Variants in WDR27 observed in about 807,000 individuals in gnomAD.
WDR27 encodes the protein WD repeat domain 27, also known as WD repeat-containing protein 27.
Under a neutral mutation model 114.4 loss-of-function variants are expected in WDR27, and 100 were observed. That is an observed-to-expected ratio of 0.87 (90% CI 0.74 to 1.03). WDR27 has a LOEUF of 1.03. Among genes scored for constraint, WDR27 ranks in the 50% least tolerant of loss-of-function variants. The pLI, the probability that WDR27 is intolerant of heterozygous loss-of-function variation, is 0.00. For synonymous variants in WDR27, 449 were observed against 423.1 expected, an observed-to-expected ratio of 1.06 and a Z score of -0.75; for missense variants, 1,129 against 1,092.9, an observed-to-expected ratio of 1.03 and a Z score of -0.47.
chr6:169,645,027 A>T lies in WDR27; in HGVS notation c.1658-1241T>A, dbSNP rs1305183034. Among the ~76,000 whole-genome samples the T allele has an allele frequency of 7.6e-4, 87 of 115,172 alleles. 5 individuals carry two copies. The highest frequency in any genetic ancestry group is 3.8e-3 in the Middle Eastern group (1 of 264). 75.6% of individuals were successfully genotyped at this position (115,172 alleles called of 152,430 possible). ...CCGTCTCAAAAAAAAAAAAAATAAA[A>T]AAAAAAAATAAAAAAAAAAAAAAAA... On this transcript the variant is annotated intron_variant, in intron 16 of 25. Coordinates refer to ENST00000448612, the MANE Select transcript of WDR27 (RefSeq NM_182552.5).
At chr6:169,450,121 G>T in the WDR27 span, among the ~76,000 whole-genome samples, 1 of 152,088 alleles carries the variant, frequency 6.6e-6, no homozygotes, top group Non-Finnish European at 1.5e-5. Context: ...TTGAGTCTAG[G>T]ACTTTAAGGA....
chr6:169,563,591 A>T (rs1458047973), intron 25 of WDR27, among the ~76,000 whole-genome samples: 7 of 152,208 alleles, frequency 4.6e-5, no homozygotes, highest in Non-Finnish European at 1.0e-4. Flanking sequence ...AACTGTGCTC[A>T]CGAGAGACAA....
At chr6:169,632,666 T>C (rs950027177) in intron 21 of WDR27, among the ~76,000 whole-genome samples, 10 of 152,230 alleles carry the variant, frequency 6.6e-5, no homozygotes, top group African/African-American at 2.4e-4. Context: ...GCTTAACATA[T>C]ACAACCTTAT....
intron 25 of WDR27, among the ~76,000 whole-genome samples, chr6:169,502,889 G>A (rs1208222503): frequency 1.3e-5 from 2 of 152,144 alleles, no homozygotes; most frequent in Non-Finnish European, 2.9e-5. Flanking sequence ...TCGAGTAGAT[G>A]GATTTGCTGA....
At chr6:169,531,727 C>A (rs1795634476) in intron 25 of WDR27, among the ~76,000 whole-genome samples, 1 of 150,406 alleles carries the variant, frequency 6.6e-6, no homozygotes, top group African/African-American at 2.5e-5. Flanking sequence ...GATCTCAGCT[C>A]ACTGCAACCT....
intron 25 of WDR27, among the ~76,000 whole-genome samples, chr6:169,488,051 T>C (rs746131404): frequency 1.8e-4 from 27 of 152,244 alleles, no homozygotes; most frequent in Non-Finnish European, 2.6e-4. Context: ...TATGAAATGA[T>C]GGACAATGGG....
At chr6:169,557,203 C>G (rs139623327) in intron 25 of WDR27, among the ~76,000 whole-genome samples, 1 of 152,110 alleles carries the variant, frequency 6.6e-6, no homozygotes, top group Non-Finnish European at 1.5e-5. Context: ...GAAAATGCCT[C>G]GGTGATATAA....
In WDR27 at chr6:169,501,641, C is replaced by T. The variant is rs530041705; in HGVS notation, c.2646-44007G>A. Among the ~76,000 whole-genome samples, 4 of 152,340 alleles carry T rather than the reference C, an allele frequency of 2.6e-5. No individual in the cohort carries two copies. In the South Asian group the frequency reaches 6.2e-4, roughly 24 times the overall value. ...GCACTTTCCCACGAACTGTAGGACT[C>T]GCCTGCATGTTCTCATTCGGTGAAT... On this transcript the variant is annotated intron_variant, in intron 25 of 25. Transcript: ENST00000448612.
chr6:169,445,267 C>A, the WDR27 span, among the ~76,000 whole-genome samples: 1 of 152,160 alleles, frequency 6.6e-6, no homozygotes, highest in South Asian at 2.1e-4. Context: ...TAGAGCCCTG[C>A]CTACTTTCAC....
chr6:169,559,851 G>A (rs1309349863), intron 25 of WDR27: 2 of 152,226 alleles, frequency 1.3e-5, no homozygotes, highest in East Asian at 1.9e-4. Flanking sequence ...AATGAGGTGC[G>A]AAGCCTTGCG....
chr6:169,621,315 C>G (rs886576681), intron 21 of WDR27, among the ~76,000 whole-genome samples: 2 of 134,598 alleles, frequency 1.5e-5, no homozygotes, highest in East Asian at 4.3e-4. Flanking sequence ...TACCCACACA[C>G]GCATTCACAC....
chr6:169,525,463 G>T (rs1794842891), intron 25 of WDR27, among the ~76,000 whole-genome samples: 1 of 150,100 alleles, frequency 6.7e-6, no homozygotes, highest in South Asian at 2.1e-4. Flanking sequence ...ATGAACCCGG[G>T]AGGTGGAGCT....
intron 19 of WDR27, among the ~76,000 whole-genome samples, chr6:169,635,478 CCTCTGCATGCAA>C (rs1817461032): frequency 6.6e-6 from 1 of 152,212 alleles, no homozygotes; most frequent in Non-Finnish European, 1.5e-5. Flanking sequence ...TGGAGCCCTT[CCTCTGCATGCAA>C]CCCGCCCCAG....
At chr6:169,481,551 C>T (rs1360030055) in intron 25 of WDR27, among the ~76,000 whole-genome samples, 4 of 152,336 alleles carry the variant, frequency 2.6e-5, no homozygotes, top group East Asian at 1.9e-4. Flanking sequence ...AGCTGTAGCA[C>T]TCACCGCAAA....
intron 13 of WDR27, among the ~76,000 whole-genome samples, chr6:169,657,222 C>T (rs1055686895): frequency 7.2e-5 from 11 of 152,180 alleles, no homozygotes; most frequent in African/African-American, 1.7e-4. Flanking sequence ...ATCTGCAAGG[C>T]GGGTCAGAAC....
chr6:169,430,541 A>C, the WDR27 span, among the ~76,000 whole-genome samples: 1 of 152,236 alleles, frequency 6.6e-6, no homozygotes, highest in Non-Finnish European at 1.5e-5. Flanking sequence ...GCCTCATTAT[A>C]TGTCCTGAAT....
chr6:169,514,450 T>C (rs1793354534), intron 25 of WDR27, among the ~76,000 whole-genome samples: 1 of 148,556 alleles, frequency 6.7e-6, no homozygotes, highest in South Asian at 2.1e-4. Context: ...ATTGTTAATA[T>C]ACCAAAAAAA....
chr6:169,651,271 G>C (rs1383863600), intron 14 of WDR27, among the ~76,000 whole-genome samples: 1 of 151,262 alleles, frequency 6.6e-6, no homozygotes, highest in East Asian at 2.0e-4. Flanking sequence ...AGGGAGACAA[G>C]CGTGTGCGCT....
intron 1 of WDR27, among the ~76,000 whole-genome samples, chr6:169,689,696 G>C (rs1783953324): frequency 6.6e-6 from 1 of 152,208 alleles, no homozygotes; most frequent in African/African-American, 2.4e-5. Flanking sequence ...AAACATGTGG[G>C]AATGGCACTG....
Sources: gnomAD v4.1 joint callset for allele counts (sites outside exome capture counted in the v4.1 genomes callset) on GRCh38, gnomAD v4.1.1 for gene constraint, MANE v1.5 for transcripts, NCBI Gene and HGNC (gene_info 2026-07-23, HGNC 2026-07-21) for gene names.